NME7: variants seen among roughly 807,000 people sequenced by gnomAD.
The protein encoded by NME7 is nucleoside diphosphate kinase 7.
NME7 carries 41 observed loss-of-function variants against 49.1 expected under a neutral mutation model. The ratio of observed to expected loss-of-function variants is 0.83; its 90% confidence interval spans 0.65 to 1.08. The LOEUF (loss-of-function observed/expected upper bound fraction) is 1.08. NME7 is among the 50% of genes least tolerant of loss of function. NME7 has a pLI of 0.00. For synonymous variants in NME7, 139 were observed against 150.6 expected, an observed-to-expected ratio of 0.92 and a Z score of 0.56; for missense variants, 423 against 463.4, an observed-to-expected ratio of 0.91 and a Z score of 0.80.
At position 169,162,230 on chromosome 1, in the gene NME7, T is replaced by C. The variant is rs556697238; in HGVS notation, c.1098+7217A>G. 3.9e-5 allele frequency among the ~76,000 whole-genome samples: 6 copies of C among 152,314 alleles called. No individual in the cohort carries two copies. The East Asian group carries it at 1.2e-3, about 29-fold the overall frequency. On this transcript the variant is annotated intron_variant, in intron 11 of 11. Coordinates refer to ENST00000367811, the MANE Select transcript of NME7 (RefSeq NM_013330.5). ...TCTTATGTGGGCGGCCTCTTGTCAA[T>C]TAAAATGGTAACTTCAATACCACAG...
Position 169,245,766 on chromosome 1 carries a change from A to G in NME7, c.755-8079T>C, listed in dbSNP as rs1207079595. On this transcript the variant is annotated intron_variant, in intron 7 of 11. Coordinates refer to ENST00000367811, the MANE Select transcript of NME7 (RefSeq NM_013330.5). Reference sequence around the variant, plus strand: ...AACATGATTAGTGTAAAGACAAATCAAAAAACTAGAGATTATGAGAGTTTA... The same window carrying G: ...AACATGATTAGTGTAAAGACAAATCGAAAAACTAGAGATTATGAGAGTTTA... Among the ~76,000 whole-genome samples, 3 of 152,332 alleles carry G rather than the reference A, an allele frequency of 2.0e-5. No homozygotes were observed. The East Asian group carries it at 5.8e-4, about 29-fold the overall frequency.
chr1:169,135,867 T>G (rs1194854939), intron 11 of NME7, among the ~76,000 whole-genome samples: 1 of 152,104 alleles, frequency 6.6e-6, no homozygotes, highest in Non-Finnish European at 1.5e-5. Flanking sequence ...ACTACAGAAT[T>G]CAGCTCTTTC....
chr1:169,156,451 AC>A (rs899719448), intron 11 of NME7, among the ~76,000 whole-genome samples: 222 of 152,336 alleles, frequency 1.5e-3, no homozygotes, highest in African/African-American at 5.1e-3. Context: ...CTGTAAGGTC[AC>A]TTTTAGTCCA....
chr1:169,301,494 AT>A lies in NME7; in HGVS notation c.440+1650del, dbSNP rs546081891. ...GGTGGGAATATTAATTACTCCAGCC[AT>A]TGTGGAAAGCAGTGTGGATATTTCT... is the stretch of plus-strand genomic sequence containing the variant. On this transcript the variant is annotated intron_variant, in intron 5 of 11. Coordinates refer to ENST00000367811, the MANE Select transcript of NME7 (RefSeq NM_013330.5). Among the ~76,000 whole-genome samples, 13 of 152,316 alleles carry A rather than the reference AT, an allele frequency of 8.5e-5. 1 individual carries two copies. The South Asian group carries it at 2.7e-3, about 32-fold the overall frequency.
At chr1:169,354,571 A>G (rs1653310817) in intron 1 of NME7, among the ~76,000 whole-genome samples, 1 of 151,188 alleles carries the variant, frequency 6.6e-6, no homozygotes, top group South Asian at 2.1e-4. Context: ...GAGGAAATGG[A>G]TACCAAATTT....
At position 169,262,787 on chromosome 1, in the gene NME7, T is replaced by C. The variant is rs755003457; in HGVS notation, c.754+24516A>G. Among the ~76,000 whole-genome samples, 13 of 133,428 alleles carry C rather than the reference T, an allele frequency of 9.7e-5. 4 individuals carry two copies. The highest frequency in any genetic ancestry group is 2.1e-4 in the Non-Finnish European group (12 of 56,752). The allele number at this position is 133,428 out of a possible 152,430, so 87.5% of individuals were successfully genotyped here. On this transcript the variant is annotated intron_variant, in intron 7 of 11. Transcript: ENST00000367811. ...CTGGCTTCCCCACAATTCCCCAACATACTTCTAGATTGAGGCAGTGAGCCA... is the reference window on the plus strand; with the variant it reads ...CTGGCTTCCCCACAATTCCCCAACACACTTCTAGATTGAGGCAGTGAGCCA...
rs534693677 is a variant in NME7, at chr1:169,313,795, CTG to C, written c.279-3717_279-3716del. 5.7e-4 allele frequency among the ~76,000 whole-genome samples: 87 copies of C among 152,198 alleles called. 2 individuals are homozygous for C. In the East Asian group the frequency reaches 0.015, roughly 27 times the overall value. ...TAATCAGAGAAAAACTGTAAAGTATCTGTGCAAACTATGGTTAAAGGACTAAA... is the reference window on the plus strand; with the variant it reads ...TAATCAGAGAAAAACTGTAAAGTATCTGCAAACTATGGTTAAAGGACTAAA... On this transcript the variant is annotated intron_variant, in intron 3 of 11. Transcript: ENST00000367811.
chr1:169,271,341 C>T (rs953895856), intron 7 of NME7, among the ~76,000 whole-genome samples: 3 of 133,434 alleles, frequency 2.2e-5, no homozygotes, highest in African/African-American at 7.6e-5. Context: ...ATCCATTTAC[C>T]CCAACAATAG....
rs1237237982 is a variant in NME7 at position 169,272,187 on chromosome 1, A to G, written c.754+15116T>C. On this transcript the variant is annotated intron_variant, in intron 7 of 11. Coordinates refer to ENST00000367811, the MANE Select transcript of NME7 (RefSeq NM_013330.5). ...CTCTAAAAACCATTAAATCCTGTAT[A>G]AACAGAAAAATAATATATTAAAATT... 1.5e-5 allele frequency among the ~76,000 whole-genome samples: 2 copies of G among 132,946 alleles called. 1 individual carries two copies. Among genetic ancestry groups the G allele is most frequent in the Non-Finnish European group, 3.5e-5 (2 of 56,802 alleles). 87.2% of individuals were successfully genotyped at this position (132,946 alleles called of 152,430 possible). A position where few individuals can be genotyped will look rare whatever the true frequency, so the allele number is the denominator to read the frequency against.
chr1:169,152,045 A>G (rs1048389100), intron 11 of NME7, among the ~76,000 whole-genome samples: 9 of 152,244 alleles, frequency 5.9e-5, no homozygotes, highest in Non-Finnish European at 1.2e-4. Flanking sequence ...AAAGATAATT[A>G]AGTAAGTTCT....
intron 1 of NME7, among the ~76,000 whole-genome samples, chr1:169,352,393 A>C (rs898831245): frequency 6.6e-6 from 1 of 152,138 alleles, no homozygotes; most frequent in Non-Finnish European, 1.5e-5. Flanking sequence ...TCTTGTTAAA[A>C]ACATCAAAAA....
chr1:169,257,322 ATTTTCCAGGTGCTG>A (rs1648990907), intron 7 of NME7, among the ~76,000 whole-genome samples: 1 of 133,660 alleles, frequency 7.5e-6, no homozygotes, highest in Admixed American at 7.3e-5. Flanking sequence ...GAGTGACCCG[ATTTTCCAGGTGCTG>A]TCCGGCATCC....
chr1:169,284,696 C>G (rs938754628), intron 7 of NME7: 3 of 152,052 alleles, frequency 2.0e-5, no homozygotes, highest in Non-Finnish European at 4.4e-5. Context: ...AGATTTTCTA[C>G]TAGGGTTTTT....
chr1:169,288,711 C>T (rs939523946), intron 6 of NME7, among the ~76,000 whole-genome samples: 2 of 152,118 alleles, frequency 1.3e-5, no homozygotes, highest in Admixed American at 6.5e-5. Flanking sequence ...GTGTTCTATT[C>T]CTAAGATACC....
At chr1:169,160,510 T>C (rs1359844811) in intron 11 of NME7, among the ~76,000 whole-genome samples, 1 of 152,096 alleles carries the variant, frequency 6.6e-6, no homozygotes, top group East Asian at 1.9e-4. Flanking sequence ...CTGGAATATA[T>C]AGTATATATT....
intron 7 of NME7, among the ~76,000 whole-genome samples, chr1:169,283,389 C>G (rs759475447): frequency 3.3e-5 from 5 of 152,126 alleles, no homozygotes; most frequent in African/African-American, 4.8e-5. Context: ...TGGGTCTTGA[C>G]TCTTTACCCA....
intron 7 of NME7, among the ~76,000 whole-genome samples, chr1:169,249,676 T>G (rs1462320628): frequency 1.3e-5 from 2 of 151,800 alleles, no homozygotes; most frequent in African/African-American, 4.8e-5. Flanking sequence ...GTTTGTTGAG[T>G]TTTTTTATAC....
Position 169,149,975 on chromosome 1 carries a change from C to T in NME7, c.1099-17158G>A, listed in dbSNP as rs77556947. 2.7e-3 allele frequency among the ~76,000 whole-genome samples: 414 copies of T among 152,156 alleles called. 1 individual carries two copies. Among genetic ancestry groups the T allele is most frequent in the Admixed American group, 4.9e-3 (75 of 15,268 alleles). On this transcript the variant is annotated intron_variant, in intron 11 of 11. Coordinates refer to ENST00000367811, the MANE Select transcript of NME7 (RefSeq NM_013330.5). ...TCTTTCTAGTTTATGACTTTGGGTC[C>T]CTTCATGATTCTTAATCACTTCCAT...
At chr1:169,352,116 A>C (rs1226699715) in intron 1 of NME7, among the ~76,000 whole-genome samples, 2 of 143,700 alleles carry the variant, frequency 1.4e-5, no homozygotes, top group African/African-American at 5.5e-5. Flanking sequence ...ACAACACATC[A>C]AAAAAAAAAG....
Sources: gnomAD v4.1 joint callset for allele counts (sites outside exome capture counted in the v4.1 genomes callset) on GRCh38, gnomAD v4.1.1 for gene constraint, MANE v1.5 for transcripts, NCBI Gene and HGNC (gene_info 2026-07-23, HGNC 2026-07-21) for gene names.